The following CDIN1 variants were observed in gnomAD, a reference collection of about 807,000 sequenced individuals.
CDIN1 encodes CDAN1-interacting nuclease 1.
Under a neutral mutation model 45.3 loss-of-function variants are expected in CDIN1, and 33 were observed. The ratio of observed to expected loss-of-function variants is 0.73; its 90% CI spans 0.55 to 0.97. The LOEUF (loss-of-function observed/expected upper bound fraction) is 0.97. Ranked by LOEUF, CDIN1 falls within the 50% of genes least tolerant of loss-of-function variation. The pLI is 0.00. For synonymous variants in CDIN1, 118 were observed against 124.4 expected (o/e 0.95, Z 0.34); for missense variants, 303 against 339.4 (o/e 0.89, Z 0.84).
intron 5 of CDIN1, among the ~76,000 whole-genome samples, chr15:36,660,936 G>A (rs1204972282): frequency 6.6e-6 from 1 of 152,186 alleles, no homozygotes; most frequent in Non-Finnish European, 1.5e-5. Context: ...ACATGAGGAA[G>A]TTTATCCATG....
intron 10 of CDIN1, among the ~76,000 whole-genome samples, chr15:36,757,708 C>A (rs1901725): frequency 0.15 from 23,233 of 151,938 alleles, 2,071 homozygotes; most frequent in African/African-American, 0.24. Flanking sequence ...AGACATCCAC[C>A]TCATCTTGGC....
At chr15:36,801,553 C>T (rs1400375495) in intron 10 of CDIN1, among the ~76,000 whole-genome samples, 3 of 152,112 alleles carry the variant, frequency 2.0e-5, no homozygotes, top group African/African-American at 7.2e-5. Context: ...CACTTAGACC[C>T]GTTGCTTCCC....
At chr15:36,765,062 T>TTTC (rs2053881831) in intron 10 of CDIN1, among the ~76,000 whole-genome samples, 1 of 144,982 alleles carries the variant, frequency 6.9e-6, no homozygotes, top group African/African-American at 2.5e-5. Flanking sequence ...TCTTTCTTTC[T>TTTC]TTTTTTTTTT....
chr15:36,630,432 T>C (rs970637924), intron 1 of CDIN1, among the ~76,000 whole-genome samples: 1 of 152,182 alleles, frequency 6.6e-6, no homozygotes, highest in Admixed American at 6.5e-5. Context: ...TCTAAAGAAG[T>C]TACCAATCAG....
intron 1 of CDIN1, among the ~76,000 whole-genome samples, chr15:36,606,358 C>G (rs1426440596): frequency 1.3e-5 from 2 of 152,104 alleles, no homozygotes; most frequent in African/African-American, 4.8e-5. Context: ...TTTCCACAAA[C>G]TGACCACTTC....
intron 10 of CDIN1, among the ~76,000 whole-genome samples, chr15:36,713,712 A>G (rs953024865): frequency 6.6e-6 from 1 of 152,200 alleles, no homozygotes; most frequent in Non-Finnish European, 1.5e-5. Flanking sequence ...GATGAAGTTT[A>G]GAAGTCTTCC....
At chr15:36,701,880 A>ATGTC (rs1360829659) in intron 8 of CDIN1, 1 of 580,516 alleles carries the variant, frequency 1.7e-6, no homozygotes. Flanking sequence ...TTAGTGAAGG[A>ATGTC]TGTCCCTTGT....
At chr15:36,612,250 A>G (rs971877898) in intron 1 of CDIN1, among the ~76,000 whole-genome samples, 1 of 152,106 alleles carries the variant, frequency 6.6e-6, no homozygotes, top group African/African-American at 2.4e-5. Context: ...TCTCTTCTTC[A>G]GGATCCTTTC....
chr15:36,781,599 G>A (rs2054354199), intron 10 of CDIN1, among the ~76,000 whole-genome samples: 1 of 151,724 alleles, frequency 6.6e-6, no homozygotes, highest in Admixed American at 6.6e-5. Context: ...TTGCTCTTTT[G>A]AAAATAAAAC....
chr15:36,719,834 T>C (rs1214526705), intron 10 of CDIN1, among the ~76,000 whole-genome samples: 1 of 152,178 alleles, frequency 6.6e-6, no homozygotes, highest in African/African-American at 2.4e-5. Flanking sequence ...GCCTTTTTTT[T>C]CTTGAATGAG....
intron 10 of CDIN1, among the ~76,000 whole-genome samples, chr15:36,759,035 G>T (rs564484625): frequency 4.6e-5 from 7 of 152,256 alleles, no homozygotes; most frequent in African/African-American, 1.7e-4. Flanking sequence ...AAAAGCAGCT[G>T]CCCACACATC....
chr15:36,771,721 A>G (rs1409814379), intron 10 of CDIN1, among the ~76,000 whole-genome samples: 1 of 152,198 alleles, frequency 6.6e-6, no homozygotes, highest in Non-Finnish European at 1.5e-5. Context: ...CGAGATCAGG[A>G]GTTCGAGACC....
intron 1 of CDIN1, among the ~76,000 whole-genome samples, chr15:36,602,757 G>C (rs1354642811): frequency 6.6e-6 from 1 of 152,166 alleles, no homozygotes; most frequent in Admixed American, 6.5e-5. Flanking sequence ...CAGATCACGA[G>C]GTCAGGAGAT....
chr15:36,804,779 T>G (rs965330485), intron 10 of CDIN1: 3 of 136,750 alleles, frequency 2.2e-5, no homozygotes, highest in African/African-American at 8.1e-5. Context: ...TTCAAGAGAT[T>G]CTCCCACCAC....
chr15:36,640,203 G>T (rs185183154), intron 1 of CDIN1, among the ~76,000 whole-genome samples: 1 of 152,230 alleles, frequency 6.6e-6, no homozygotes, highest in East Asian at 1.9e-4. Context: ...AGAGAAAAAT[G>T]GCTCTACATT....
rs560505595 is a variant in CDIN1, at chr15:36,809,894, T to A, written c.*1441T>A. 6.6e-6 allele frequency: 1 copy of A among 152,132 alleles called. No individual in the cohort carries two copies. Among genetic ancestry groups the A allele is most frequent in the South Asian group, 2.1e-4 (1 of 4,812 alleles). 9.4% of individuals were successfully genotyped at this position (152,132 alleles called of 1,614,324 possible). ...AACATGTGTGGATTTTAACTCTGAG[T>A]GGGGTGCATTAAATCAAAAGAGAGA... On this transcript the variant is annotated 3_prime_UTR_variant, in exon 11 of 11. Transcript: ENST00000566621.
At chr15:36,777,334 C>A (rs1365641361) in intron 10 of CDIN1, among the ~76,000 whole-genome samples, 1 of 151,770 alleles carries the variant, frequency 6.6e-6, no homozygotes, top group Non-Finnish European at 1.5e-5. Flanking sequence ...CTACCAAACT[C>A]ACTTGCTCAT....
At chr15:36,752,693 T>A (rs2053506800) in intron 10 of CDIN1, among the ~76,000 whole-genome samples, 1 of 152,206 alleles carries the variant, frequency 6.6e-6, no homozygotes, top group Non-Finnish European at 1.5e-5. Context: ...CAGGTCTTAA[T>A]AGTAAGACTC....
intron 10 of CDIN1, 66 bp downstream of exon 10, chr15:36,710,027 A>G: frequency 2.4e-6 from 3 of 1,242,900 alleles, no homozygotes; most frequent in Non-Finnish European, 3.4e-6. Context: ...AGAAAAAAAT[A>G]TTTTGTTTAG....
Sources: allele counts gnomAD v4.1 joint callset (sites outside exome capture counted in the v4.1 genomes callset), GRCh38; gene constraint gnomAD v4.1.1; transcripts MANE v1.5; gene names NCBI Gene and HGNC (gene_info 2026-07-23, HGNC 2026-07-21).